Variants in SLC16A2 observed in about 807,000 individuals in gnomAD.
SLC16A2 encodes the protein monocarboxylate transporter 8.
SLC16A2 carries 3 observed loss-of-function variants against 27.2 expected under a neutral mutation model. The observed-to-expected ratio is 0.11, with a 90% CI of 0.05 to 0.28. The LOEUF (loss-of-function observed/expected upper bound fraction) is 0.28. Among genes scored for constraint, SLC16A2 ranks in the 10% least tolerant of loss-of-function variants. The pLI, the probability that SLC16A2 is intolerant of heterozygous loss-of-function variation, is 1.00. For missense variants in SLC16A2, 295 were observed against 458.5 expected (o/e 0.64, Z 3.26); for synonymous variants, 202 against 187.8 (o/e 1.08, Z -0.62).
At chrX:74,432,045 A>T (rs1268409542) in intron 1 of SLC16A2, among the ~76,000 whole-genome samples, 1 of 111,484 alleles carries the variant, frequency 9.0e-6, no homozygotes, top group Non-Finnish European at 1.9e-5. Flanking sequence ...ATATACATTC[A>T]AGGAAGCAAG....
chrX:74,504,833 A>G (rs1336654964), intron 1 of SLC16A2, among the ~76,000 whole-genome samples: 1 of 111,625 alleles, frequency 9.0e-6, no homozygotes, highest in Non-Finnish European at 1.9e-5. Flanking sequence ...CTCTACAAAA[A>G]ATACAAAAAT....
At chrX:74,447,588 T>TCAC (rs1928859849) in intron 1 of SLC16A2, among the ~76,000 whole-genome samples, 1 of 109,324 alleles carries the variant, frequency 9.1e-6, no homozygotes, top group African/African-American at 3.3e-5. Context: ...GGTGAGAGGA[T>TCAC]CACTTGAGCC....
intron 1 of SLC16A2, among the ~76,000 whole-genome samples, chrX:74,494,491 C>T (rs766866313): frequency 1.8e-5 from 2 of 111,673 alleles, no homozygotes; most frequent in South Asian, 3.8e-4. Context: ...TCCATAATAT[C>T]GTCAAATACC....
chrX:74,499,603 GCCA>G (rs1569295799), intron 1 of SLC16A2, among the ~76,000 whole-genome samples: 3 of 109,328 alleles, frequency 2.7e-5, no homozygotes, highest in Non-Finnish European at 5.7e-5. Flanking sequence ...GCAAGCATGC[GCCA>G]CCACATCTGG....
chrX:74,524,908 C>A, intron 3 of SLC16A2, 99 bp downstream of exon 3: 1 of 742,996 alleles, frequency 1.3e-6, no homozygotes, highest in Non-Finnish European at 2.0e-6. Flanking sequence ...ATTGAAAGGG[C>A]AGAGCTGGGA....
At chrX:74,502,798 A>T (rs1452754420) in intron 1 of SLC16A2, among the ~76,000 whole-genome samples, 1 of 111,079 alleles carries the variant, frequency 9.0e-6, no homozygotes, top group East Asian at 2.9e-4. Context: ...AGTTGATCCA[A>T]TCCATTGCCT....
chrX:74,490,153 A>C lies in SLC16A2; in HGVS notation c.431-30837A>C, dbSNP rs781219683. ...ACAGCAGATTTAAAGCAGGCAGAAA[A>C]GAAAATAGAGAAAAAGAGAACTTAG... On this transcript the variant is annotated intron_variant, in intron 1 of 5. Coordinates refer to ENST00000587091, the MANE Select transcript of SLC16A2 (RefSeq NM_006517.5). Among the ~76,000 whole-genome samples the C allele has an allele frequency of 2.1e-4, 23 of 111,054 alleles. No homozygotes were observed. The Admixed American group carries it at 2.2e-3, about 11-fold the overall frequency.
At chrX:74,467,132 C>G (rs1459243202) in intron 1 of SLC16A2, among the ~76,000 whole-genome samples, 3 of 112,302 alleles carry the variant, frequency 2.7e-5, no homozygotes, top group African/African-American at 9.7e-5. Context: ...CCTTTTTCTA[C>G]CTTGCTGCAC....
At chrX:74,455,685 A>T (rs1470128355) in intron 1 of SLC16A2, among the ~76,000 whole-genome samples, 1 of 111,103 alleles carries the variant, frequency 9.0e-6, no homozygotes, top group Non-Finnish European at 1.9e-5. Flanking sequence ...GGAGAAAAAA[A>T]TCTGAAGAGG....
chrX:74,423,632 G>A (rs181367598), intron 1 of SLC16A2, among the ~76,000 whole-genome samples: 1 of 112,087 alleles, frequency 8.9e-6, no homozygotes, highest in Non-Finnish European at 1.9e-5. Context: ...GAATGGAGGG[G>A]TCCTGGGACA....
chrX:74,506,173 A>C (rs1930123283), intron 1 of SLC16A2, among the ~76,000 whole-genome samples: 1 of 111,562 alleles, frequency 9.0e-6, no homozygotes, highest in Admixed American at 9.5e-5. Flanking sequence ...TCCTAACCTC[A>C]CAGGGTTCTG....
At chrX:74,484,285 A>G (rs187429958) in intron 1 of SLC16A2, among the ~76,000 whole-genome samples, 4 of 111,960 alleles carry the variant, frequency 3.6e-5, no homozygotes, top group East Asian at 2.8e-4. Context: ...TACATTTAGG[A>G]TATACATTGG....
intron 1 of SLC16A2, among the ~76,000 whole-genome samples, chrX:74,453,449 C>G (rs1928981353): frequency 9.0e-6 from 1 of 111,692 alleles, no homozygotes; most frequent in Admixed American, 9.6e-5. Flanking sequence ...ATGACCATCT[C>G]TATGCATATT....
intron 1 of SLC16A2, among the ~76,000 whole-genome samples, chrX:74,488,376 T>C (rs1451653313): frequency 8.9e-6 from 1 of 111,803 alleles, no homozygotes; most frequent in Non-Finnish European, 1.9e-5. Flanking sequence ...TCCAAGGCCT[T>C]TTTAAAAGAG....
intron 1 of SLC16A2, among the ~76,000 whole-genome samples, chrX:74,441,159 G>A (rs1182060221): frequency 1.2e-4 from 13 of 110,426 alleles, no homozygotes; most frequent in Admixed American, 1.9e-4. Context: ...CCCGGTTCAC[G>A]CCATTCTCCT....
chrX:74,422,224 C>T (rs1928317297), intron 1 of SLC16A2, among the ~76,000 whole-genome samples, 157 bp downstream of exon 1: 1 of 111,779 alleles, frequency 8.9e-6, no homozygotes, highest in Non-Finnish European at 1.9e-5. Flanking sequence ...CTTTCCATGG[C>T]TCTCCTAGGG....
chrX:74,463,127 T>G (rs1467044024), intron 1 of SLC16A2, among the ~76,000 whole-genome samples: 1 of 110,901 alleles, frequency 9.0e-6, no homozygotes, highest in East Asian at 2.8e-4. Context: ...AGGGAGAGGA[T>G]GGATGGGGAC....
At chrX:74,473,618 C>G in intron 1 of SLC16A2, 2 of 980,348 alleles carry the variant, frequency 2.0e-6, no homozygotes, top group East Asian at 6.1e-5. Context: ...TTTAATGCCA[C>G]CAACAAATAT....
intron 1 of SLC16A2, among the ~76,000 whole-genome samples, chrX:74,490,066 C>T (rs1300356129): frequency 1.9e-4 from 17 of 89,132 alleles, no homozygotes; most frequent in Admixed American, 8.1e-4. Context: ...TACAAATTCA[C>T]TGGCTTGCAA....
Sources: gnomAD v4.1 joint callset for allele counts (sites outside exome capture counted in the v4.1 genomes callset) on GRCh38, gnomAD v4.1.1 for gene constraint, MANE v1.5 for transcripts, NCBI Gene and HGNC (gene_info 2026-07-23, HGNC 2026-07-21) for gene names.